SLC35F1: variants seen among roughly 807,000 people sequenced by gnomAD.
SLC35F1 encodes solute carrier family 35 member F1.
In SLC35F1, 14 loss-of-function variants were observed where a neutral mutation model predicts 48.7. The observed-to-expected ratio is 0.29, with a 90% CI of 0.19 to 0.45. SLC35F1 has a LOEUF of 0.45. Ranked by LOEUF, SLC35F1 falls within the 20% of genes least tolerant of loss-of-function variation. The pLI, the probability that SLC35F1 is intolerant of heterozygous loss-of-function variation, is 1.00. For synonymous variants in SLC35F1, 190 were observed against 202.2 expected, an observed-to-expected ratio of 0.94 and a Z score of 0.51; for missense variants, 404 against 500.0, an observed-to-expected ratio of 0.81 and a Z score of 1.83.
chr6:118,035,089 C>T (rs540877348), intron 1 of SLC35F1, among the ~76,000 whole-genome samples: 1 of 152,122 alleles, frequency 6.6e-6, no homozygotes, highest in African/African-American at 2.4e-5. Context: ...GTTTCTGTTT[C>T]TTCTTGTGTC....
At chr6:117,973,617 C>A (rs1776670891) in intron 1 of SLC35F1, among the ~76,000 whole-genome samples, 2 of 151,910 alleles carry the variant, frequency 1.3e-5, no homozygotes, top group Admixed American at 6.6e-5. Flanking sequence ...GTTGCCCAGG[C>A]TGGAATGCAG....
chr6:118,285,143 G>A, intron 6 of SLC35F1, 41 bp from the exon 7 acceptor site: 1 of 1,604,184 alleles, frequency 6.2e-7, no homozygotes, highest in Non-Finnish European at 8.5e-7. Flanking sequence ...AGATGCCCTG[G>A]AGGAGGCCCT....
chr6:118,307,799 C>T (rs1776329830), intron 7 of SLC35F1, among the ~76,000 whole-genome samples: 1 of 152,168 alleles, frequency 6.6e-6, no homozygotes, highest in African/African-American at 2.4e-5. Context: ...AGCTTTTCGT[C>T]CCAGGGTCTT....
chr6:118,257,463 G>T (rs1224382834), intron 3 of SLC35F1, among the ~76,000 whole-genome samples: 1 of 152,172 alleles, frequency 6.6e-6, no homozygotes, highest in Non-Finnish European at 1.5e-5. Context: ...GGAGATGGGA[G>T]GCAACACTGC....
chr6:117,923,838 T>TACATATGTATATA (rs1375602191), intron 1 of SLC35F1, among the ~76,000 whole-genome samples: 101 of 133,614 alleles, frequency 7.6e-4, no homozygotes, highest in Non-Finnish European at 7.1e-4. Context: ...CATATACACA[T>TACATATGTATATA]TACATATATG....
chr6:117,907,967 C>G, intron 1 of SLC35F1, 68 bp downstream of exon 1: 2 of 1,272,388 alleles, frequency 1.6e-6, no homozygotes, highest in Non-Finnish European at 2.0e-6. Flanking sequence ...GGGTCCCCTC[C>G]GTCCCTGGGG....
At chr6:118,155,134 C>A (rs1774120115) in intron 2 of SLC35F1, among the ~76,000 whole-genome samples, 1 of 152,116 alleles carries the variant, frequency 6.6e-6, no homozygotes, top group South Asian at 2.1e-4. Context: ...TTATTTTAAA[C>A]TTGAAATAAT....
chr6:117,974,914 G>T (rs1240931788), intron 1 of SLC35F1, among the ~76,000 whole-genome samples: 1 of 152,176 alleles, frequency 6.6e-6, no homozygotes, highest in Non-Finnish European at 1.5e-5. Flanking sequence ...GCATCAATCT[G>T]TTGCAAAACT....
chr6:117,962,031 A>C (rs1405700720), intron 1 of SLC35F1, among the ~76,000 whole-genome samples: 2 of 152,226 alleles, frequency 1.3e-5, no homozygotes, highest in Non-Finnish European at 2.9e-5. Flanking sequence ...ATACTATTGA[A>C]GATGCTGTGT....
chr6:118,314,241 C>T lies in SLC35F1; in HGVS notation c.1216C>T (p.Arg406Cys), dbSNP rs767401575. ...GGAGACCGAAGAGGAGCCTCATGTT[C>T]GTGTGGCCTAGGGTGAGGCCCGCCC... ...GQETEEEPHV[R>C]VA Residue 406 changes from arginine to cysteine, a missense_variant, in exon 8 of 8, where the codon CGT becomes TGT. This residue lies in a region of SLC35F1 where 306 missense variants were observed against 419.1 expected (regional missense o/e 0.73). Transcript: ENST00000360388. 20 of 1,614,054 alleles carry T rather than the reference C, an allele frequency of 1.2e-5. No homozygotes were observed. The highest frequency in any genetic ancestry group is 2.7e-5 in the African/African-American group (2 of 74,942).
chr6:118,202,339 A>T (rs905131107), intron 2 of SLC35F1, among the ~76,000 whole-genome samples: 15 of 150,968 alleles, frequency 9.9e-5, no homozygotes, highest in Non-Finnish European at 1.9e-4. Flanking sequence ...TACAAAAATT[A>T]AAAAAAAATT....
rs189091868 is a variant in SLC35F1 at position 117,948,133 on chromosome 6, A to G, written c.173+40234A>G. ...AAAAAGTGTGGCCAATGGTTTAGGG[A>G]AAACCCAGGAAAATGTTCATAAATG... On this transcript the variant is annotated intron_variant, in intron 1 of 7. Transcript: ENST00000360388. 1.3e-4 allele frequency among the ~76,000 whole-genome samples: 20 copies of G among 152,296 alleles called. 1 individual carries two copies. In the East Asian group the frequency reaches 2.5e-3, roughly 19 times the overall value.
chr6:117,928,789 C>T (rs907572989), intron 1 of SLC35F1, among the ~76,000 whole-genome samples: 3 of 152,110 alleles, frequency 2.0e-5, no homozygotes, highest in African/African-American at 7.2e-5. Context: ...ATGAGCTGTA[C>T]ATGGTCTGCA....
At chr6:117,949,100 T>C (rs1422868318) in intron 1 of SLC35F1, among the ~76,000 whole-genome samples, 1 of 152,182 alleles carries the variant, frequency 6.6e-6, no homozygotes, top group Non-Finnish European at 1.5e-5. Flanking sequence ...TCTGAGATGA[T>C]ACAGTATTTA....
At chr6:118,064,468 C>A (rs1772585417) in intron 1 of SLC35F1, among the ~76,000 whole-genome samples, 1 of 152,120 alleles carries the variant, frequency 6.6e-6, no homozygotes, top group African/African-American at 2.4e-5. Flanking sequence ...TTTGCAGTAT[C>A]CCTTAGAATG....
intron 1 of SLC35F1, among the ~76,000 whole-genome samples, chr6:117,923,651 G>GTACATA: frequency 5.7e-5 from 1 of 17,504 alleles, no homozygotes; most frequent in Non-Finnish European, 8.5e-5. Context: ...ATGTACATAT[G>GTACATA]TACATATGTA....
intron 1 of SLC35F1, among the ~76,000 whole-genome samples, chr6:118,047,828 G>A (rs1772322478): frequency 1.3e-5 from 2 of 152,232 alleles, no homozygotes; most frequent in South Asian, 4.1e-4. Flanking sequence ...AACTGAAAAA[G>A]TAAAACAATT....
chr6:118,118,772 G>A (rs1454810498), intron 1 of SLC35F1, among the ~76,000 whole-genome samples: 2 of 152,116 alleles, frequency 1.3e-5, no homozygotes, highest in Admixed American at 6.6e-5. Flanking sequence ...AAGGGACAGG[G>A]CTGGGAGCTA....
At chr6:118,047,335 T>A (rs201603482) in intron 1 of SLC35F1, among the ~76,000 whole-genome samples, 1 of 152,180 alleles carries the variant, frequency 6.6e-6, no homozygotes, top group African/African-American at 2.4e-5. Context: ...GACATAAAAC[T>A]TAGGGCATTC....
Sources: allele counts gnomAD v4.1 joint callset (sites outside exome capture counted in the v4.1 genomes callset), GRCh38; gene constraint gnomAD v4.1.1; regional missense constraint gnomAD v4.1.1; transcripts MANE v1.5; gene names NCBI Gene and HGNC (gene_info 2026-07-23, HGNC 2026-07-21).